Variants in BCL6B observed in about 807,000 individuals in gnomAD.
BCL6B encodes B-cell CLL/lymphoma 6 member B protein.
Under a neutral mutation model 44.6 loss-of-function variants are expected in BCL6B, and 28 were observed. The ratio of observed to expected loss-of-function variants is 0.63; its 90% CI spans 0.47 to 0.86. The LOEUF (loss-of-function observed/expected upper bound fraction) is 0.86, where lower values mean the gene tolerates loss of function less well. BCL6B is among the 40% of genes least tolerant of loss of function. The pLI, the probability that BCL6B is intolerant of heterozygous loss-of-function variation, is 0.00. For missense variants in BCL6B, 626 were observed against 652.3 expected (o/e 0.96, Z 0.44); for synonymous variants, 268 against 263.6 (o/e 1.02, Z -0.16).
Position 7,028,723 on chromosome 17 carries a change from C to T in BCL6B, c.*1104C>T. Reference sequence around the variant, plus strand: ...TGATGTGACCTTTTCTGACTCTGCCCAGTCTCTATGAATGTTATGGCCTAG... The same window carrying T: ...TGATGTGACCTTTTCTGACTCTGCCTAGTCTCTATGAATGTTATGGCCTAG... On this transcript the variant is annotated 3_prime_UTR_variant, in exon 9 of 9. Coordinates refer to ENST00000293805, the MANE Select transcript of BCL6B (RefSeq NM_181844.4). 4 of 985,460 alleles carry T rather than the reference C, an allele frequency of 4.1e-6. No homozygotes were observed. The highest frequency in any genetic ancestry group is 4.8e-6 in the Non-Finnish European group (4 of 829,954). 61.0% of individuals were successfully genotyped at this position (985,460 alleles called of 1,614,324 possible).
chr17:7,029,278 T>C lies in BCL6B; in HGVS notation c.*1659T>C, dbSNP rs772168321. ...TGGCTGGGTGGAGTCTCTGAAATGT[T>C]AGAAGAAGCGCTGAAGCCTTGATTG... is the stretch of plus-strand genomic sequence containing the variant. On this transcript the variant is annotated 3_prime_UTR_variant, in exon 9 of 9. Transcript: ENST00000293805. 1.3e-4 allele frequency: 125 copies of C among 986,682 alleles called. No homozygotes were observed. The highest frequency in any genetic ancestry group is 1.5e-4 in the Non-Finnish European group (122 of 830,864). 61.1% of individuals were successfully genotyped at this position (986,682 alleles called of 1,614,324 possible). A position where few individuals can be genotyped will look rare whatever the true frequency, so the allele number is the denominator to read the frequency against.
Position 7,024,178 on chromosome 17 carries a change from T to C in BCL6B, c.275T>C (p.Leu92Pro), listed in dbSNP as rs894391596. 3.1e-6 allele frequency: 5 copies of C among 1,613,884 alleles called. No homozygotes were observed. Among genetic ancestry groups the C allele is most frequent in the African/African-American group, 1.3e-5 (1 of 74,912 alleles). ...CCCGAAGCGAGAGGCTTCGCCCCTC[T>C]ATTGGACTTCATGTACACTTCGCGC... is the stretch of plus-strand genomic sequence containing the variant. ...GGPEARGFAP[L>P]LDFMYTSRLR... The change falls in exon 3 of 9, where the codon CTA (leucine) becomes CCA (proline). Residue 92 changes from leucine (L) to proline (P), a missense_variant. Leu to Pro is a moderately conservative substitution (Grantham distance 98). Coordinates refer to ENST00000293805, the MANE Select transcript of BCL6B (RefSeq NM_181844.4). This position sits in a 1 kb window ranked among gnomAD's most constrained non-coding sequence, Gnocchi z 6.6.
rs1349068399 is a variant in BCL6B at position 7,029,414 on chromosome 17, G to A, written c.*1795G>A. The A allele has an allele frequency of 4.9e-6, 5 of 1,016,688 alleles. No individual in the cohort carries two copies. The highest frequency in any genetic ancestry group is 4.7e-6 in the Non-Finnish European group (4 of 847,868). The allele number at this position is 1,016,688 out of a possible 1,614,324, so 63.0% of individuals were successfully genotyped here. A position where few individuals can be genotyped will look rare whatever the true frequency, so the allele number is the denominator to read the frequency against. ...GAACTTCAACAATAAGTCAGTTCTA[G>A]TGGCTGTCGCCTGGGGACTAGTGAG... On this transcript the variant is annotated 3_prime_UTR_variant, in exon 9 of 9. Coordinates refer to ENST00000293805, the MANE Select transcript of BCL6B (RefSeq NM_181844.4).
intron 2 of BCL6B, 87 bp from the exon 3 acceptor site, chr17:7,023,996 A>G: frequency 1.3e-6 from 2 of 1,535,684 alleles, no homozygotes; most frequent in Non-Finnish European, 1.8e-6. Context: ...AGGAGGCGGG[A>G]CTTTTTCAGG....
intron 1 of BCL6B, 103 bp from the exon 2 acceptor site, chr17:7,023,557 G>A (rs768988258): frequency 1.9e-5 from 22 of 1,171,958 alleles, no homozygotes; most frequent in Non-Finnish European, 1.9e-5. Context: ...GCTAGGGGCT[G>A]GAAGTCCTGG....
chr17:7,027,606 T>C lies in BCL6B; in HGVS notation c.1427T>C (p.Leu476Pro). 1.2e-6 allele frequency: 2 copies of C among 1,613,364 alleles called. No homozygotes were observed. The highest frequency in any genetic ancestry group is 4.5e-5 in the East Asian group (2 of 44,872). The change falls in exon 9 of 9, where the codon CTC (leucine) becomes CCC (proline). Residue 476 changes from leucine (L) to proline (P), a missense_variant. By Grantham distance (98) the Leu-to-Pro change is moderately conservative. Coordinates refer to ENST00000293805, the MANE Select transcript of BCL6B (RefSeq NM_181844.4). ...ATNTKVHYHI[L>P]GGP ...AACACCAAAGTGCACTACCACATTC[T>C]CGGGGGGCCCTAGCTGAGCGCAGGC...
chr17:7,024,187 T>C lies in BCL6B; in HGVS notation c.284T>C (p.Phe95Ser). 1 of 1,613,730 alleles carries C rather than the reference T, an allele frequency of 6.2e-7. No individual in the cohort carries two copies. Among genetic ancestry groups the C allele is most frequent in the Non-Finnish European group, 8.5e-7 (1 of 1,179,926 alleles). Residue 95 changes from phenylalanine to serine, a missense_variant, in exon 3 of 9, where the codon TTC (phenylalanine) becomes TCC (serine). By Grantham distance (155) the Phe-to-Ser change is radical. Coordinates refer to ENST00000293805, the MANE Select transcript of BCL6B (RefSeq NM_181844.4). The surrounding 1 kb of genome is among the most constrained non-coding windows in gnomAD (Gnocchi z 6.6). ...EARGFAPLLD[F>S]MYTSRLRLSP... Reference sequence around the variant, plus strand: ...AGAGGCTTCGCCCCTCTATTGGACTTCATGTACACTTCGCGCCTGCGCCTC... The same window carrying C: ...AGAGGCTTCGCCCCTCTATTGGACTCCATGTACACTTCGCGCCTGCGCCTC...
At position 7,024,700 on chromosome 17, in the gene BCL6B, C is replaced by CCAGCAGCAG. The variant is rs55799550; in HGVS notation, c.723_731dup (p.Ser242_Ser244dup). 2,242 of 1,458,772 alleles carry CCAGCAGCAG rather than the reference C, an allele frequency of 1.5e-3. 7 individuals are homozygous for CCAGCAGCAG. In the African/African-American group the frequency reaches 0.02, roughly 13 times the overall value. 90.4% of individuals were successfully genotyped at this position (1,458,772 alleles called of 1,614,324 possible). A position where few individuals can be genotyped will look rare whatever the true frequency, so the allele number is the denominator to read the frequency against. On this transcript the variant is annotated inframe_insertion, in exon 4 of 9. Transcript: ENST00000293805. The surrounding 1 kb of genome is among the most constrained non-coding windows in gnomAD (Gnocchi z 6.6). ...AGGCTCCCCAGTGGAGACGAGGCCT[C>CCAGCAGCAG]CAGCAGCAGCAGCAGCAGCAGCAGC...
rs758018428 is a variant in BCL6B, at chr17:7,025,155, C to G, written c.844C>G (p.Gln282Glu). 1.2e-6 allele frequency: 2 copies of G among 1,614,084 alleles called. No individual in the cohort carries two copies. Among genetic ancestry groups the G allele is most frequent in the African/African-American group, 2.7e-5 (2 of 74,946 alleles). ...STPYLLTSQA[Q>E]DTSGSPSERA... is the part of the protein sequence containing the mutation. Reference sequence around the variant, plus strand: ...CCCCTACCTCCTCACATCCCAGGCTCAAGACACCTCTGGATCACCCTCTGA... The same window carrying G: ...CCCCTACCTCCTCACATCCCAGGCTGAAGACACCTCTGGATCACCCTCTGA... Residue 282 changes from glutamine to glutamate, a missense_variant, in exon 5 of 9, where the codon CAA (glutamine) becomes GAA (glutamate). Physicochemically the swap from Gln to Glu is conservative, Grantham distance 29. Transcript: ENST00000293805.
chr17:7,024,394 T>C lies in BCL6B; in HGVS notation c.402-7T>C, dbSNP rs1457042050. 1.2e-6 allele frequency: 2 copies of C among 1,612,344 alleles called. No homozygotes were observed. On this transcript the variant is annotated splice_region_variant and splice_polypyrimidine_tract_variant and intron_variant, in intron 3 of 8. Transcript: ENST00000293805. This position sits in a 1 kb window ranked among gnomAD's most constrained non-coding sequence, Gnocchi z 6.6. ...AATGGCACTAACGTTCATCACACTT[T>C]CCCCAGCTATGAACCTCTGGGCATC...
Position 7,024,859 on chromosome 17 carries a change from G to T in BCL6B, c.764+96G>T. 6.7e-7 allele frequency: 1 copy of T among 1,484,846 alleles called. No individual in the cohort carries two copies. The highest frequency in any genetic ancestry group is 2.4e-5 in the Admixed American group (1 of 42,090). 92.0% of individuals were successfully genotyped at this position (1,484,846 alleles called of 1,614,324 possible). On this transcript the variant is annotated intron_variant, in intron 4 of 8. Coordinates refer to ENST00000293805, the MANE Select transcript of BCL6B (RefSeq NM_181844.4). The surrounding 1 kb of genome is among the most constrained non-coding windows in gnomAD (Gnocchi z 6.6). ...ATGGTCAGGAGGAAGGGAGATAGGTGGTGGGTTTCAGAGACACTAGCTCAC... is the reference window on the plus strand; with the variant it reads ...ATGGTCAGGAGGAAGGGAGATAGGTTGTGGGTTTCAGAGACACTAGCTCAC...
At chr17:7,025,233 T>C (rs1910252415) in intron 5 of BCL6B, 33 bp downstream of exon 5, 2 of 1,612,662 alleles carry the variant, frequency 1.2e-6, no homozygotes, top group South Asian at 2.2e-5. Flanking sequence ...TTTTCTCCCG[T>C]GACTGCTCCA....
chr17:7,028,158 T>G lies in BCL6B; in HGVS notation c.*539T>G, dbSNP rs1277888049. On this transcript the variant is annotated 3_prime_UTR_variant, in exon 9 of 9. Transcript: ENST00000293805. ...TCTGTCATAACTTTTATCTTTAGAA[T>G]TGTTCTTTCTCCTGTTTGTTTGCTT... The G allele has an allele frequency of 1.0e-6, 1 of 986,134 alleles. No homozygotes were observed. Among genetic ancestry groups the G allele is most frequent in the Non-Finnish European group, 1.2e-6 (1 of 830,548 alleles). The allele number at this position is 986,134 out of a possible 1,614,324, so 61.1% of individuals were successfully genotyped here.
In BCL6B at chr17:7,027,503, T is replaced by C; in HGVS notation, c.1324T>C (p.Cys442Arg). The stretch of plus-strand genomic sequence containing the variant: ...GCCTGACTTGGCTGTCCTCCCACAG[T>C]GCGACCCCTGTGGCCTGCATTTCCG... ...RIHTGEKPYHCDPCGLHFRHK... is the reference protein window; with the variant it reads ...RIHTGEKPYHRDPCGLHFRHK... The change falls in exon 9 of 9, where the codon TGC (cysteine) becomes CGC (arginine). Residue 442 changes from cysteine to arginine, a missense_variant and splice_region_variant. By Grantham distance (180) the Cys-to-Arg change is radical. Coordinates refer to ENST00000293805, the MANE Select transcript of BCL6B (RefSeq NM_181844.4). 1.2e-6 allele frequency: 2 copies of C among 1,613,822 alleles called. No homozygotes were observed. The highest frequency in any genetic ancestry group is 1.7e-6 in the Non-Finnish European group (2 of 1,179,990).
rs190851248 is a variant in BCL6B at position 7,028,214 on chromosome 17, C to A, written c.*595C>A. The A allele has an allele frequency of 2.9e-4, 282 of 985,904 alleles. 1 individual carries two copies. In the African/African-American group the frequency reaches 4.5e-3, roughly 16 times the overall value. The allele number at this position is 985,904 out of a possible 1,614,324, so 61.1% of individuals were successfully genotyped here. ...TTTGTTTAAAATGGAAAAAGGGGTT[C>A]TCTGTGTTCTGCCCCTGTAATTCTA... On this transcript the variant is annotated 3_prime_UTR_variant, in exon 9 of 9. Transcript: ENST00000293805.
intron 8 of BCL6B, 55 bp from the exon 9 acceptor site, chr17:7,027,448 C>A: frequency 6.2e-7 from 1 of 1,600,586 alleles, no homozygotes. Flanking sequence ...CCCGGCTCAA[C>A]ACCTAAAAGG....
chr17:7,023,793 C>T lies in BCL6B; in HGVS notation c.122C>T (p.Thr41Met), dbSNP rs1388816680. Reference protein sequence around the residue: ...LRLRGILTDVTLLVGGQPLRA... With the variant: ...LRLRGILTDVMLLVGGQPLRA... The stretch of plus-strand genomic sequence containing the variant: ...CTGCGCGGGATCCTCACTGACGTCA[C>T]GCTGCTGGTTGGCGGGCAACCCCTC... Residue 41 changes from threonine (T) to methionine (M), a missense_variant, in exon 2 of 9, where the codon ACG becomes ATG. Physicochemically the swap from Thr to Met is moderately conservative, Grantham distance 81. Coordinates refer to ENST00000293805, the MANE Select transcript of BCL6B (RefSeq NM_181844.4). 3 of 1,603,466 alleles carry T rather than the reference C, an allele frequency of 1.9e-6. No individual in the cohort carries two copies. Among genetic ancestry groups the T allele is most frequent in the Non-Finnish European group, 2.6e-6 (3 of 1,174,020 alleles).
intron 8 of BCL6B, 69 bp downstream of exon 8, chr17:7,027,156 G>C (rs1310043154): frequency 6.3e-7 from 1 of 1,587,530 alleles, no homozygotes; most frequent in Non-Finnish European, 8.6e-7. Flanking sequence ...TGGGCTCTGA[G>C]AGGTGCGGGC....
Position 7,024,090 on chromosome 17 carries a change from T to C in BCL6B, c.187T>C (p.Phe63Leu). ...KAVLIACSGFFYSIFRGRAGV... is the reference protein window; with the variant it reads ...KAVLIACSGFLYSIFRGRAGV... ...TATCTGCTCTCTCTCTAGTGGCTTCTTCTATTCAATTTTCCGGGGCCGTGC... is the reference window on the plus strand; with the variant it reads ...TATCTGCTCTCTCTCTAGTGGCTTCCTCTATTCAATTTTCCGGGGCCGTGC... The change falls in exon 3 of 9, where the codon TTC (phenylalanine) becomes CTC (leucine). Residue 63 changes from phenylalanine (F) to leucine (L), a missense_variant. By Grantham distance (22) the Phe-to-Leu change is conservative. Transcript: ENST00000293805. The surrounding 1 kb of genome is among the most constrained non-coding windows in gnomAD (Gnocchi z 6.6). The C allele has an allele frequency of 6.2e-7, 1 of 1,613,978 alleles. No individual in the cohort carries two copies. The highest frequency in any genetic ancestry group is 1.1e-5 in the South Asian group (1 of 91,086).
Sources: allele counts gnomAD v4.1 joint callset, GRCh38; gene constraint gnomAD v4.1.1; non-coding constraint Gnocchi (gnomAD v3.1); transcripts MANE v1.5; gene names NCBI Gene and HGNC (gene_info 2026-07-23, HGNC 2026-07-21).